Variants in CFAP221 observed in about 807,000 individuals in gnomAD.
CFAP221 encodes cilia and flagella associated protein 221, also known as cilia- and flagella-associated protein 221.
CFAP221 carries 97 observed loss-of-function variants against 113.1 expected under a neutral mutation model. The ratio of observed to expected loss-of-function variants is 0.86; its 90% CI spans 0.73 to 1.02. CFAP221 has a LOEUF of 1.02. CFAP221 is among the 50% of genes least tolerant of loss of function. CFAP221 has a pLI of 0.00. For synonymous variants in CFAP221, 331 were observed against 354.4 expected (o/e 0.93, Z 0.74); for missense variants, 1,025 against 1,013.4 (o/e 1.01, Z -0.16).
At chr2:119,566,828 T>C (rs1681679313) in intron 6 of CFAP221, among the ~76,000 whole-genome samples, 1 of 152,168 alleles carries the variant, frequency 6.6e-6, no homozygotes, top group Admixed American at 6.5e-5. Flanking sequence ...CTGACCGTGC[T>C]TGCAGGGTTT....
intron 6 of CFAP221, among the ~76,000 whole-genome samples, chr2:119,569,199 T>C (rs1192191661): frequency 6.6e-6 from 1 of 152,096 alleles, no homozygotes; most frequent in Non-Finnish European, 1.5e-5. Context: ...AGTGGCACAA[T>C]CTCGGCTCAT....
chr2:119,624,139 C>G (rs1686127636), intron 14 of CFAP221, among the ~76,000 whole-genome samples: 1 of 152,242 alleles, frequency 6.6e-6, no homozygotes, highest in Admixed American at 6.5e-5. Flanking sequence ...AGGCTAATAT[C>G]CAGAATATAC....
At chr2:119,594,868 T>G (rs1683852425) in intron 7 of CFAP221, among the ~76,000 whole-genome samples, 1 of 152,214 alleles carries the variant, frequency 6.6e-6, no homozygotes, top group South Asian at 2.1e-4. Context: ...TGGAGTGTTA[T>G]GTAGGTTGCA....
At chr2:119,634,166 A>G (rs768451153) in intron 19 of CFAP221, among the ~76,000 whole-genome samples, 1 of 152,160 alleles carries the variant, frequency 6.6e-6, no homozygotes, top group African/African-American at 2.4e-5. Context: ...CCACTTCTGG[A>G]TATGTTTCCA....
intron 6 of CFAP221, among the ~76,000 whole-genome samples, chr2:119,562,550 A>C (rs766339203): frequency 4.6e-5 from 7 of 152,180 alleles, no homozygotes; most frequent in Non-Finnish European, 7.3e-5. Flanking sequence ...GGGGCATTCA[A>C]GCAAAACCCC....
At chr2:119,556,787 G>A (rs1680838869) in intron 3 of CFAP221, among the ~76,000 whole-genome samples, 1 of 151,854 alleles carries the variant, frequency 6.6e-6, no homozygotes, top group Admixed American at 6.6e-5. Context: ...CCTGACCTCA[G>A]GTGATCCACC....
intron 6 of CFAP221, among the ~76,000 whole-genome samples, chr2:119,574,188 C>T (rs1682266567): frequency 6.6e-6 from 1 of 152,126 alleles, no homozygotes; most frequent in Admixed American, 6.5e-5. Flanking sequence ...TGCATGAGGC[C>T]AAGGGGTGGA....
intron 10 of CFAP221, 37 bp downstream of exon 10, chr2:119,605,024 A>C: frequency 6.3e-7 from 1 of 1,578,512 alleles, no homozygotes; most frequent in Non-Finnish European, 8.7e-7. Context: ...GCCCCTGAGC[A>C]GAATATGAAA....
At chr2:119,634,459 C>T (rs1014769242) in intron 19 of CFAP221, among the ~76,000 whole-genome samples, 10 of 151,950 alleles carry the variant, frequency 6.6e-5, no homozygotes, top group Admixed American at 4.6e-4. Context: ...AAAACAAGAC[C>T]GTGTTTCAAA....
chr2:119,589,958 G>A (rs1460050128), intron 7 of CFAP221: 1 of 152,036 alleles, frequency 6.6e-6, no homozygotes, highest in African/African-American at 2.4e-5. Flanking sequence ...TTTTTTCCGT[G>A]AAATCTGAAG....
At chr2:119,593,730 C>G (rs553223207) in intron 7 of CFAP221, among the ~76,000 whole-genome samples, 1 of 151,804 alleles carries the variant, frequency 6.6e-6, no homozygotes, top group Non-Finnish European at 1.5e-5. Flanking sequence ...TCCCAGCTAC[C>G]GGGAGGCTGA....
intron 6 of CFAP221, among the ~76,000 whole-genome samples, chr2:119,563,874 G>A (rs2104548647): frequency 6.6e-6 from 1 of 152,338 alleles, no homozygotes; most frequent in South Asian, 2.1e-4. Flanking sequence ...CAAGAGGATG[G>A]CACCGCAGGC....
intron 7 of CFAP221, among the ~76,000 whole-genome samples, chr2:119,597,898 C>T (rs540326690): frequency 2.0e-5 from 3 of 152,284 alleles, no homozygotes; most frequent in Non-Finnish European, 4.4e-5. Flanking sequence ...CCATCTAACG[C>T]ACAGAAAATG....
intron 22 of CFAP221, among the ~76,000 whole-genome samples, chr2:119,649,008 C>T (rs1687973645): frequency 6.6e-6 from 1 of 152,210 alleles, no homozygotes; most frequent in Non-Finnish European, 1.5e-5. Context: ...CCTGGTACTG[C>T]ATTGCCTTGA....
intron 3 of CFAP221, 122 bp from the exon 4 acceptor site, chr2:119,559,567 T>C (rs1350207301): frequency 1.3e-6 from 1 of 781,446 alleles, no homozygotes; most frequent in African/African-American, 1.7e-5. Flanking sequence ...TCAAATATTT[T>C]GAAAAGTTAA....
At chr2:119,553,574 A>T (rs1037008692) in intron 3 of CFAP221, among the ~76,000 whole-genome samples, 1 of 152,194 alleles carries the variant, frequency 6.6e-6, no homozygotes, top group Non-Finnish European at 1.5e-5. Flanking sequence ...GAGAAACTAA[A>T]TACTAAGGAA....
chr2:119,651,830 T>C, intron 22 of CFAP221, 144 bp from the exon 23 acceptor site: 1 of 554,022 alleles, frequency 1.8e-6, no homozygotes, highest in Middle Eastern at 3.4e-4. Flanking sequence ...CTTATGCTTC[T>C]TTTAATGTAA....
intron 7 of CFAP221, 145 bp from the exon 8 acceptor site, chr2:119,601,073 A>G (rs1684329370): frequency 1.2e-6 from 1 of 806,042 alleles, no homozygotes; most frequent in South Asian, 3.0e-5. Context: ...GCCAAAAGTT[A>G]TGTGTGGATT....
rs1023068949 is a variant in CFAP221, at chr2:119,616,850, G to A, written c.1410+1141G>A. The stretch of plus-strand genomic sequence containing the variant: ...CACTTTAGTATTTAGGGATCTCCTC[G>A]GTGCCATGTGCTTCTTGTGCTGCCT... On this transcript the variant is annotated intron_variant, in intron 14 of 23. Transcript: ENST00000413369. 3.9e-5 allele frequency among the ~76,000 whole-genome samples: 6 copies of A among 152,196 alleles called. No homozygotes were observed. The East Asian group carries it at 7.7e-4, about 19-fold the overall frequency.
Sources: gnomAD v4.1 joint callset for allele counts (sites outside exome capture counted in the v4.1 genomes callset) on GRCh38, gnomAD v4.1.1 for gene constraint, MANE v1.5 for transcripts, NCBI Gene and HGNC (gene_info 2026-07-23, HGNC 2026-07-21) for gene names.